The following RPGR variants were observed in gnomAD, a reference collection of about 807,000 sequenced individuals.
The protein encoded by RPGR is retinitis pigmentosa GTPase regulator, also known as X-linked retinitis pigmentosa GTPase regulator.
A neutral mutation model predicts 56.3 loss-of-function variants in RPGR; 10 were observed. That is an observed-to-expected ratio of 0.18 (90% CI 0.11 to 0.30). The LOEUF (loss-of-function observed/expected upper bound fraction) is 0.30. Ranked by LOEUF, RPGR falls within the 10% of genes least tolerant of loss-of-function variation. The probability of loss-of-function intolerance (pLI) is 1.00; values close to 1 mark genes in which losing one functional copy is unlikely to be tolerated. For synonymous variants in RPGR, 197 were observed against 212.9 expected (o/e 0.93, Z 0.65); for missense variants, 538 against 590.9 (o/e 0.91, Z 0.93).
chrX:38,319,486 A>G lies in RPGR; in HGVS notation c.311-499T>C, dbSNP rs149152412. Among the ~76,000 whole-genome samples the G allele has an allele frequency of 1.6e-4, 18 of 112,198 alleles. No homozygotes were observed. The East Asian group carries it at 5.0e-3, about 31-fold the overall frequency. On this transcript the variant is annotated intron_variant, in intron 4 of 18. Coordinates refer to ENST00000642395, the MANE Select transcript of RPGR (RefSeq NM_000328.3). Reference sequence around the variant, plus strand: ...CTTCCTAGCTAAATAGGAAGGCACTATAGCACTCTGTTTAGCAGGAAAGAC... The same window carrying G: ...CTTCCTAGCTAAATAGGAAGGCACTGTAGCACTCTGTTTAGCAGGAAAGAC...
chrX:38,318,306 C>G (rs1013234897), intron 5 of RPGR, among the ~76,000 whole-genome samples: 6 of 109,350 alleles, frequency 5.5e-5, no homozygotes, highest in Non-Finnish European at 1.1e-4. Context: ...TACACAGTCT[C>G]CTGCTTGAAA....
chrX:38,312,095 T>A (rs1169723923), intron 6 of RPGR, among the ~76,000 whole-genome samples: 1 of 112,425 alleles, frequency 8.9e-6, no homozygotes, highest in Non-Finnish European at 1.9e-5. Context: ...GGACAGCCAA[T>A]GCACAAGATA....
rs62635007 is a variant in RPGR at position 38,291,121 on chromosome X, A to G, written c.1507-97T>C. 14,956 of 175,416 alleles carry G rather than the reference A, an allele frequency of 0.085. 639 individuals are homozygous for G. Among genetic ancestry groups the G allele is most frequent in the South Asian group, 0.2 (885 of 4,451 alleles). 14.5% of individuals were successfully genotyped at this position (175,416 alleles called of 1,213,427 possible). A position where few individuals can be genotyped will look rare whatever the true frequency, so the allele number is the denominator to read the frequency against. Reference sequence around the variant, plus strand: ...ATATATAGTATATTTTCAATTATATATATTTTTTTATATATATATATATAT... The same window carrying G: ...ATATATAGTATATTTTCAATTATATGTATTTTTTTATATATATATATATAT... On this transcript the variant is annotated intron_variant, in intron 12 of 18. Coordinates refer to ENST00000642395, the MANE Select transcript of RPGR (RefSeq NM_000328.3).
chrX:38,305,394 G>A (rs1453672432), intron 7 of RPGR, among the ~76,000 whole-genome samples: 12 of 100,138 alleles, frequency 1.2e-4, no homozygotes, highest in East Asian at 6.5e-4. Context: ...CAGCCTGGGT[G>A]ACAGAGCGAC....
In RPGR at chrX:38,286,656, C is replaced by T. The variant is rs139643783; in HGVS notation, c.1905+438G>A. On this transcript the variant is annotated intron_variant, in intron 15 of 18. Transcript: ENST00000642395. The stretch of plus-strand genomic sequence containing the variant: ...CTTCCTCTCCTTTCTCCTCCTTCCC[C>T]GCTCTTTCCTCCTTTTTCCTCTCTC... 5.8e-5 allele frequency: 66 copies of T among 1,129,938 alleles called. No homozygotes were observed. The highest frequency in any genetic ancestry group is 8.9e-5 in the African/African-American group (4 of 44,869). 93.1% of individuals were successfully genotyped at this position (1,129,938 alleles called of 1,213,427 possible). A position where few individuals can be genotyped will look rare whatever the true frequency, so the allele number is the denominator to read the frequency against.
intron 18 of RPGR, among the ~76,000 whole-genome samples, chrX:38,271,414 C>T (rs768185708): frequency 9.0e-6 from 1 of 111,292 alleles, no homozygotes; most frequent in African/African-American, 3.3e-5. Context: ...TCCTTGTAGA[C>T]CAAAAAAGAA....
chrX:38,282,777 TCAGCAGCAGCAGCAGCAG>T (rs749108562), intron 15 of RPGR, among the ~76,000 whole-genome samples: 1 of 105,758 alleles, frequency 9.5e-6, no homozygotes, highest in East Asian at 3.1e-4. Flanking sequence ...CTGCTGCTGT[TCAGCAGCAGCAGCAGCAG>T]CAGCAGCAGC....
At chrX:38,324,388 T>C (rs1228411684) in intron 1 of RPGR, among the ~76,000 whole-genome samples, 1 of 110,935 alleles carries the variant, frequency 9.0e-6, no homozygotes, top group African/African-American at 3.3e-5. Context: ...GCGTGAACCA[T>C]GACACCCGGC....
intron 13 of RPGR, among the ~76,000 whole-genome samples, 184 bp downstream of exon 13, chrX:38,290,775 T>G (rs1337412383): frequency 1.8e-5 from 2 of 111,257 alleles, no homozygotes; most frequent in Non-Finnish European, 1.9e-5. Context: ...CTCTTGTTTC[T>G]TTACAGAAAA....
At position 38,310,638 on chromosome X, in the gene RPGR, C is replaced by T; in HGVS notation, c.755G>A (p.Gly252Glu). Reference sequence around the variant, plus strand: ...ACCCGTGAGAACCACAGTATGCTCTCCACCACAGGCTACTTGGATCACCTT... The same window carrying T: ...ACCCGTGAGAACCACAGTATGCTCTTCACCACAGGCTACTTGGATCACCTT... The change falls in exon 7 of 19, where the codon GGA becomes GAA. Residue 252 changes from glycine (G) to glutamate (E), a missense_variant. Transcript: ENST00000642395. 1 of 1,211,425 alleles carries T rather than the reference C, an allele frequency of 8.3e-7. No individual in the cohort carries two copies. Among genetic ancestry groups the T allele is most frequent in the Non-Finnish European group, 1.1e-6 (1 of 895,390 alleles).
chrX:38,276,854 TTG>T, intron 15 of RPGR: 1 of 801,715 alleles, frequency 1.2e-6, no homozygotes, highest in East Asian at 3.2e-5. Context: ...CATAAATAAT[TTG>T]TGTCATCTAA....
intron 11 of RPGR, among the ~76,000 whole-genome samples, chrX:38,294,162 A>T (rs921508904): frequency 2.2e-4 from 24 of 111,122 alleles, no homozygotes; most frequent in African/African-American, 7.6e-4. Flanking sequence ...TCTTTGAGCT[A>T]TTTTCCCTTG....
intron 1 of RPGR, among the ~76,000 whole-genome samples, chrX:38,325,118 C>T (rs747953229): frequency 2.2e-4 from 22 of 97,784 alleles, no homozygotes; most frequent in African/African-American, 8.5e-4. Flanking sequence ...TGCAGTGAGC[C>T]AAGATAGCAT....
At chrX:38,275,191 T>C in intron 16 of RPGR, 1 of 1,104,815 alleles carries the variant, frequency 9.1e-7, no homozygotes, top group Non-Finnish European at 1.2e-6. Flanking sequence ...ATTTTTGTGC[T>C]GTTCTAGAAA....
rs746425141 is a variant in RPGR at position 38,269,847 on chromosome X, A to G, written c.2242-15T>C. The G allele has an allele frequency of 9.2e-7, 1 of 1,092,805 alleles. No individual in the cohort carries two copies. Among genetic ancestry groups the G allele is most frequent in the Non-Finnish European group, 1.3e-6 (1 of 791,646 alleles). The allele number at this position is 1,092,805 out of a possible 1,213,427, so 90.1% of individuals were successfully genotyped here. A position where few individuals can be genotyped will look rare whatever the true frequency, so the allele number is the denominator to read the frequency against. ...AACAGAAAAATCTAGGAAAAAAACC[A>G]CACACACAAATATTCATTTCCATAA... On this transcript the variant is annotated splice_polypyrimidine_tract_variant and intron_variant, in intron 18 of 18. Coordinates refer to ENST00000642395, the MANE Select transcript of RPGR (RefSeq NM_000328.3).
intron 6 of RPGR, 68 bp from the exon 7 acceptor site, chrX:38,310,841 A>G (rs769990371): frequency 4.6e-6 from 5 of 1,081,072 alleles, no homozygotes; most frequent in Non-Finnish European, 6.4e-6. Context: ...CTTACCGTCA[A>G]AAAAAAGTTT....
chrX:38,302,072 C>G (rs1219221016), intron 8 of RPGR, among the ~76,000 whole-genome samples: 1 of 111,601 alleles, frequency 9.0e-6, no homozygotes, highest in Non-Finnish European at 1.9e-5. Flanking sequence ...AATTCCTATA[C>G]CAAAACCTGG....
chrX:38,283,647 G>A (rs2067072409), intron 15 of RPGR, among the ~76,000 whole-genome samples: 1 of 111,904 alleles, frequency 8.9e-6, no homozygotes, highest in Non-Finnish European at 1.9e-5. Context: ...TTTGGCCAGG[G>A]AAATGTGAAG....
intron 8 of RPGR, among the ~76,000 whole-genome samples, chrX:38,304,009 G>A (rs961307026): frequency 3.6e-5 from 4 of 111,985 alleles, no homozygotes; most frequent in Non-Finnish European, 3.8e-5. Context: ...AATCATTTAG[G>A]GGAGAATCTT....
Sources: gnomAD v4.1 joint callset for allele counts (sites outside exome capture counted in the v4.1 genomes callset) on GRCh38, gnomAD v4.1.1 for gene constraint, MANE v1.5 for transcripts, NCBI Gene and HGNC (gene_info 2026-07-23, HGNC 2026-07-21) for gene names.